The following WDPCP variants were observed in gnomAD, a reference collection of about 807,000 sequenced individuals.
WDPCP encodes WD repeat containing planar cell polarity effector, also known as WD repeat-containing and planar cell polarity effector protein fritz homolog.
In WDPCP, 71 loss-of-function variants were observed where a neutral mutation model predicts 93.1. That is an observed-to-expected ratio of 0.76 (90% CI 0.63 to 0.93). The LOEUF is 0.93. Ranked by LOEUF, WDPCP falls within the 40% of genes least tolerant of loss-of-function variation. The pLI, the probability that WDPCP is intolerant of heterozygous loss-of-function variation, is 0.00. For missense variants in WDPCP, 844 were observed against 887.4 expected, an observed-to-expected ratio of 0.95 and a Z score of 0.62; for synonymous variants, 315 against 315.0, an observed-to-expected ratio of 1.00 and a Z score of 0.00.
intron 13 of WDPCP, among the ~76,000 whole-genome samples, chr2:63,300,589 A>C (rs1559298359): frequency 1.3e-5 from 2 of 152,208 alleles, no homozygotes; most frequent in Admixed American, 1.3e-4. Context: ...CTTTCCTATC[A>C]TAATTTCCTC....
In WDPCP at chr2:63,378,515, G is replaced by C; in HGVS notation, c.1625-6C>G. On this transcript the variant is annotated splice_region_variant and splice_polypyrimidine_tract_variant and intron_variant, in intron 11 of 17. Transcript: ENST00000272321. ...AAGGCTTGTCTCAAGCTGTGCTGTGGAATTCAAACATAGCAGCACTAAAAC... is the reference window on the plus strand; with the variant it reads ...AAGGCTTGTCTCAAGCTGTGCTGTGCAATTCAAACATAGCAGCACTAAAAC... The C allele has an allele frequency of 6.2e-7, 1 of 1,612,932 alleles. No individual in the cohort carries two copies. The highest frequency in any genetic ancestry group is 8.5e-7 in the Non-Finnish European group (1 of 1,179,234).
At chr2:63,442,611 C>G (rs968229461) in intron 6 of WDPCP, 1 of 152,166 alleles carries the variant, frequency 6.6e-6, no homozygotes, top group Non-Finnish European at 1.5e-5. Flanking sequence ...ATGTGTGACA[C>G]TCAGGTGAGT....
At position 63,441,970 on chromosome 2, in the gene WDPCP, G is replaced by A. The variant is rs532049498; in HGVS notation, c.385-2099C>T. 7 of 152,192 alleles carry A rather than the reference G, an allele frequency of 4.6e-5. No individual in the cohort carries two copies. In the South Asian group the frequency reaches 1.5e-3, roughly 32 times the overall value. The allele number at this position is 152,192 out of a possible 1,614,324, so 9.4% of individuals were successfully genotyped here. A position where few individuals can be genotyped will look rare whatever the true frequency, so the allele number is the denominator to read the frequency against. On this transcript the variant is annotated intron_variant, in intron 6 of 17. Coordinates refer to ENST00000272321, the MANE Select transcript of WDPCP (RefSeq NM_015910.7). ...GAGATCAAAGCAAATAACTAATAAA[G>A]TGCTGTTACCAGTTTACCAGACCTA...
At chr2:63,346,236 A>C (rs1689182089) in intron 12 of WDPCP, among the ~76,000 whole-genome samples, 1 of 152,232 alleles carries the variant, frequency 6.6e-6, no homozygotes, top group South Asian at 2.1e-4. Context: ...GTTATGGCAC[A>C]AGAAAAAATG....
chr2:63,145,739 T>C (rs2103750588), intron 17 of WDPCP, among the ~76,000 whole-genome samples: 1 of 152,356 alleles, frequency 6.6e-6, no homozygotes, highest in South Asian at 2.1e-4. Flanking sequence ...TCTAGTTCTG[T>C]GAAGAATCTC....
intron 9 of WDPCP, among the ~76,000 whole-genome samples, chr2:63,428,752 C>A (rs191877035): frequency 2.2e-4 from 33 of 152,012 alleles, no homozygotes; most frequent in Admixed American, 2.2e-3. Context: ...GATTTTTCTA[C>A]ACCAGTAATG....
At chr2:63,723,562 T>C (rs1220863517) in intron 2 of WDPCP, among the ~76,000 whole-genome samples, 1 of 152,222 alleles carries the variant, frequency 6.6e-6, no homozygotes, top group Non-Finnish European at 1.5e-5. Context: ...CACACAATGC[T>C]TTGCACATAG....
At chr2:63,808,302 C>G (rs1281420619) in intron 2 of WDPCP, among the ~76,000 whole-genome samples, 1 of 144,212 alleles carries the variant, frequency 6.9e-6, no homozygotes, top group Non-Finnish European at 1.5e-5. Flanking sequence ...CTCTCCCTCT[C>G]CCTCTCCCCT....
chr2:63,170,981 T>TTA, intron 15 of WDPCP, among the ~76,000 whole-genome samples: 1 of 151,286 alleles, frequency 6.6e-6, no homozygotes, highest in South Asian at 2.1e-4. Context: ...GAGTTTTTTT[T>TTA]CTTCCTCAAA....
At chr2:63,299,420 A>G (rs142956283) in intron 13 of WDPCP, among the ~76,000 whole-genome samples, 10 of 152,276 alleles carry the variant, frequency 6.6e-5, no homozygotes, top group African/African-American at 2.2e-4. Context: ...TCCCTACTGT[A>G]AAAAGGAAGG....
intron 3 of WDPCP, chr2:63,605,366 C>T: frequency 6.2e-7 from 1 of 1,614,100 alleles, no homozygotes; most frequent in Non-Finnish European, 8.5e-7. Context: ...GTGACCACGT[C>T]AGGGACATCT....
intron 1 of WDPCP, 69 bp downstream of exon 1, chr2:63,588,128 A>T: frequency 6.6e-7 from 1 of 1,525,250 alleles, no homozygotes. Context: ...GCAAAGCGGG[A>T]CGGCGCACCA....
At chr2:63,563,660 G>C (rs1245120604) in intron 1 of WDPCP, among the ~76,000 whole-genome samples, 1 of 152,046 alleles carries the variant, frequency 6.6e-6, no homozygotes, top group Non-Finnish European at 1.5e-5. Context: ...CCTTAAGATA[G>C]GTTCTTAGGA....
intron 2 of WDPCP, among the ~76,000 whole-genome samples, chr2:63,726,860 A>G (rs541946439): frequency 1.7e-4 from 26 of 152,198 alleles, no homozygotes; most frequent in African/African-American, 6.3e-4. Context: ...AATGTTATTG[A>G]TGCACAGAAA....
At chr2:63,159,647 G>A (rs1422243055) in intron 15 of WDPCP, among the ~76,000 whole-genome samples, 1 of 152,174 alleles carries the variant, frequency 6.6e-6, no homozygotes, top group Non-Finnish European at 1.5e-5. Context: ...TCAAGTTACA[G>A]TGTTCCTCTG....
chr2:63,495,144 G>C (rs1424391588), intron 1 of WDPCP, among the ~76,000 whole-genome samples: 1 of 152,112 alleles, frequency 6.6e-6, no homozygotes, highest in Non-Finnish European at 1.5e-5. Context: ...GCTGTGCCTA[G>C]ATGCTGGCTG....
chr2:63,287,496 C>G (rs1361670969), intron 13 of WDPCP, among the ~76,000 whole-genome samples: 1 of 152,158 alleles, frequency 6.6e-6, no homozygotes, highest in Non-Finnish European at 1.5e-5. Context: ...TTCCTTTCCT[C>G]AGGGCATGAA....
chr2:63,675,586 A>G (rs1021746006), intron 2 of WDPCP, among the ~76,000 whole-genome samples: 1 of 152,084 alleles, frequency 6.6e-6, no homozygotes, highest in Non-Finnish European at 1.5e-5. Flanking sequence ...TTTCAACTCC[A>G]GTTTTATATA....
At chr2:63,215,573 A>C (rs1677251894) in intron 14 of WDPCP, among the ~76,000 whole-genome samples, 1 of 152,246 alleles carries the variant, frequency 6.6e-6, no homozygotes, top group South Asian at 2.1e-4. Flanking sequence ...ATGGATTTAA[A>C]GACTTAAATG....
Sources: gnomAD v4.1 joint callset for allele counts (sites outside exome capture counted in the v4.1 genomes callset) on GRCh38, gnomAD v4.1.1 for gene constraint, MANE v1.5 for transcripts, NCBI Gene and HGNC (gene_info 2026-07-23, HGNC 2026-07-21) for gene names.